The following GDA variants were observed in gnomAD, a reference collection of about 807,000 sequenced individuals.
The protein encoded by GDA is cytoplasmic PSD-95 interactor.
In GDA, 18 loss-of-function variants were observed where a neutral mutation model predicts 59.6. That is an observed-to-expected ratio of 0.30 (90% CI 0.21 to 0.45). The LOEUF is 0.45. Ranked by LOEUF, GDA falls within the 20% of genes least tolerant of loss-of-function variation. The pLI, the probability that GDA is intolerant of heterozygous loss-of-function variation, is 1.00. For missense variants in GDA, 427 were observed against 552.3 expected, an observed-to-expected ratio of 0.77 and a Z score of 2.27; for synonymous variants, 201 against 201.1, an observed-to-expected ratio of 1.00 and a Z score of 0.00.
chr9:72,166,800 C>G (rs1306673188), intron 1 of GDA, among the ~76,000 whole-genome samples: 1 of 152,166 alleles, frequency 6.6e-6, no homozygotes, highest in African/African-American at 2.4e-5. Context: ...ATTTACCATA[C>G]TCATCATTTC....
At chr9:72,121,311 A>G (rs1193147785) in intron 1 of GDA, among the ~76,000 whole-genome samples, 2 of 152,054 alleles carry the variant, frequency 1.3e-5, no homozygotes, top group African/African-American at 2.4e-5. Flanking sequence ...ATAAGATTCT[A>G]TCTTGGCTGG....
chr9:72,149,574 G>A lies in GDA; in HGVS notation c.15G>A (p.Gln5=). ...CCGCCGCTGACATGTGTGCCGCTCAGATGCCGCCCCTGGCGCACATCTTCC... is the reference window on the plus strand; with the variant it reads ...CCGCCGCTGACATGTGTGCCGCTCAAATGCCGCCCCTGGCGCACATCTTCC... The part of the protein sequence containing the change: MCAA[Q]MPPLAHIFRG... Residue 5 remains glutamine (Q), a synonymous_variant, in exon 1 of 14, where the codon CAG becomes CAA. Transcript: ENST00000358399. 6.2e-7 allele frequency: 1 copy of A among 1,611,622 alleles called. No homozygotes were observed. Among genetic ancestry groups the A allele is most frequent in the Non-Finnish European group, 8.5e-7 (1 of 1,179,286 alleles).
chr9:72,156,629 C>T (rs1300100228), intron 1 of GDA, among the ~76,000 whole-genome samples: 2 of 152,230 alleles, frequency 1.3e-5, no homozygotes, highest in African/African-American at 4.8e-5. Context: ...TGGTTACCCA[C>T]TCAGCAGTCA....
At chr9:72,231,501 C>T (rs1219186276) in intron 10 of GDA, among the ~76,000 whole-genome samples, 1 of 151,016 alleles carries the variant, frequency 6.6e-6, no homozygotes, top group South Asian at 2.1e-4. Flanking sequence ...GGAGGCGGAG[C>T]TTGTAGTGAG....
chr9:72,178,776 G>A (rs376614879), intron 1 of GDA, among the ~76,000 whole-genome samples: 3 of 152,184 alleles, frequency 2.0e-5, no homozygotes, highest in East Asian at 1.9e-4. Context: ...CCTGGTCCTC[G>A]CTGTAATCAA....
intron 4 of GDA, among the ~76,000 whole-genome samples, chr9:72,212,302 G>A (rs1240373721): frequency 6.6e-6 from 1 of 152,048 alleles, no homozygotes; most frequent in Non-Finnish European, 1.5e-5. Flanking sequence ...CTAACATGGT[G>A]AAACCCTGTC....
intron 12 of GDA, among the ~76,000 whole-genome samples, chr9:72,246,583 A>T (rs1415358922): frequency 6.6e-6 from 1 of 152,166 alleles, no homozygotes; most frequent in Non-Finnish European, 1.5e-5. Context: ...TAGGACAAAG[A>T]GTGTGGTCCA....
chr9:72,165,142 T>C (rs759327585), intron 1 of GDA, among the ~76,000 whole-genome samples: 6 of 152,248 alleles, frequency 3.9e-5, no homozygotes, highest in Non-Finnish European at 8.8e-5. Flanking sequence ...TGTATGATTT[T>C]TCCCAGCCTT....
chr9:72,231,859 G>A (rs570226679), intron 10 of GDA, among the ~76,000 whole-genome samples: 143 of 152,288 alleles, frequency 9.4e-4, no homozygotes, highest in African/African-American at 2.5e-3. Flanking sequence ...TTCAATCTAT[G>A]ACAGAATTGA....
intron 3 of GDA, among the ~76,000 whole-genome samples, chr9:72,207,454 C>T (rs950491201): frequency 6.6e-6 from 1 of 152,134 alleles, no homozygotes; most frequent in Non-Finnish European, 1.5e-5. Flanking sequence ...ACATCCTGTC[C>T]TATTCATCAA....
At chr9:72,195,003 G>A (rs75210071) in intron 1 of GDA, among the ~76,000 whole-genome samples, 1,642 of 152,260 alleles carry the variant, frequency 0.011, 37 homozygotes, top group African/African-American at 0.038. Flanking sequence ...GCCCTGGGGG[G>A]TAGGGAAGGG....
chr9:72,221,956 A>G (rs927248589), intron 6 of GDA, among the ~76,000 whole-genome samples: 2 of 152,274 alleles, frequency 1.3e-5, no homozygotes, highest in South Asian at 2.1e-4. Flanking sequence ...TATCCAGTCT[A>G]TCATTGATGG....
At chr9:72,138,460 T>A (rs766229623) in intron 1 of GDA, among the ~76,000 whole-genome samples, 6 of 152,218 alleles carry the variant, frequency 3.9e-5, no homozygotes, top group Non-Finnish European at 8.8e-5. Flanking sequence ...ATGCATCTAC[T>A]CTTCTTATGA....
chr9:72,202,852 C>A, intron 3 of GDA, 110 bp downstream of exon 3: 4 of 798,928 alleles, frequency 5.0e-6, no homozygotes, highest in South Asian at 1.8e-5. Context: ...CTAAGATGGG[C>A]CATAGAGAAT....
At chr9:72,192,315 C>T (rs1452060061) in intron 1 of GDA, among the ~76,000 whole-genome samples, 5 of 130,628 alleles carry the variant, frequency 3.8e-5, no homozygotes, top group South Asian at 2.7e-4. Flanking sequence ...CTCACTGCAA[C>T]TTCTGCCTCC....
intron 2 of GDA, among the ~76,000 whole-genome samples, chr9:72,196,102 A>G (rs550658635): frequency 6.6e-6 from 1 of 152,092 alleles, no homozygotes; most frequent in Non-Finnish European, 1.5e-5. Context: ...GTGATATTAT[A>G]TTTCATCTAC....
chr9:72,129,255 G>A (rs1825947806), intron 1 of GDA, among the ~76,000 whole-genome samples: 1 of 151,990 alleles, frequency 6.6e-6, no homozygotes, highest in Non-Finnish European at 1.5e-5. Flanking sequence ...GAGCCACTGT[G>A]CCCAGTCTCT....
At chr9:72,221,273 C>T (rs745317871) in intron 6 of GDA, among the ~76,000 whole-genome samples, 1 of 152,106 alleles carries the variant, frequency 6.6e-6, no homozygotes, top group Non-Finnish European at 1.5e-5. Context: ...AAAACTTCAG[C>T]CTCCACTTTT....
chr9:72,151,638 C>T (rs560363750), intron 1 of GDA, among the ~76,000 whole-genome samples: 15 of 149,598 alleles, frequency 1.0e-4, no homozygotes, highest in African/African-American at 2.5e-4. Flanking sequence ...GATGGAGTCT[C>T]GCTCTGTCAC....
Sources: allele counts gnomAD v4.1 joint callset (sites outside exome capture counted in the v4.1 genomes callset), GRCh38; gene constraint gnomAD v4.1.1; transcripts MANE v1.5; gene names NCBI Gene and HGNC (gene_info 2026-07-23, HGNC 2026-07-21).